LHFPL6: variants seen among roughly 807,000 people sequenced by gnomAD.
The protein encoded by LHFPL6 is LHFPL tetraspan subfamily member 6.
Under a neutral mutation model 20.6 loss-of-function variants are expected in LHFPL6, and 9 were observed. The observed-to-expected ratio is 0.44, with a 90% CI of 0.26 to 0.76. LHFPL6 has a LOEUF of 0.76. Among genes scored for constraint, LHFPL6 ranks in the 30% least tolerant of loss-of-function variants. The pLI, the probability that LHFPL6 is intolerant of heterozygous loss-of-function variation, is 0.20. For missense variants in LHFPL6, 218 were observed against 253.5 expected (o/e 0.86, Z 0.95); for synonymous variants, 105 against 98.7 (o/e 1.06, Z -0.38).
intron 2 of LHFPL6, among the ~76,000 whole-genome samples, chr13:39,478,426 T>C (rs1873137360): frequency 6.6e-6 from 1 of 152,168 alleles, no homozygotes; most frequent in African/African-American, 2.4e-5. Context: ...CCTATATAGT[T>C]TGCATATTGA....
intron 2 of LHFPL6, among the ~76,000 whole-genome samples, chr13:39,526,455 G>A (rs996692529): frequency 3.3e-5 from 5 of 152,156 alleles, no homozygotes; most frequent in East Asian, 1.9e-4. Flanking sequence ...TGGAGTTAAC[G>A]CATAATCATG....
intron 2 of LHFPL6, among the ~76,000 whole-genome samples, chr13:39,491,801 T>C (rs963505032): frequency 6.6e-6 from 1 of 152,242 alleles, no homozygotes; most frequent in African/African-American, 2.4e-5. Flanking sequence ...TTTAATTTTA[T>C]TTAACTTTGA....
chr13:39,422,602 A>AG (rs1555261775), intron 2 of LHFPL6, among the ~76,000 whole-genome samples: 117 of 114,330 alleles, frequency 1.0e-3, no homozygotes, highest in South Asian at 2.1e-3. Context: ...AAAAAAAAAA[A>AG]AAGAAGAAGA....
chr13:39,417,347 T>C (rs938596613), intron 2 of LHFPL6, among the ~76,000 whole-genome samples: 31 of 152,312 alleles, frequency 2.0e-4, no homozygotes, highest in South Asian at 1.2e-3. Context: ...AGCTGCATAA[T>C]ATTAAATGGG....
At chr13:39,522,284 A>T (rs1327969496) in intron 2 of LHFPL6, among the ~76,000 whole-genome samples, 1 of 152,248 alleles carries the variant, frequency 6.6e-6, no homozygotes, top group South Asian at 2.1e-4. Flanking sequence ...GCTGAGGCAC[A>T]GGTTTTAGTA....
intron 2 of LHFPL6, among the ~76,000 whole-genome samples, chr13:39,384,390 G>T (rs1047942682): frequency 8.5e-5 from 13 of 152,288 alleles, no homozygotes; most frequent in Middle Eastern, 3.4e-3. Context: ...GGGGAGGACT[G>T]AAGTCAACTA....
At chr13:39,349,201 T>G (rs1022254788) in intron 3 of LHFPL6, among the ~76,000 whole-genome samples, 4 of 152,212 alleles carry the variant, frequency 2.6e-5, no homozygotes, top group African/African-American at 9.6e-5. Flanking sequence ...ATTTTTAAAA[T>G]AATTATTAAT....
chr13:39,489,336 C>A (rs930208120), intron 2 of LHFPL6, among the ~76,000 whole-genome samples: 1 of 152,142 alleles, frequency 6.6e-6, no homozygotes, highest in African/African-American at 2.4e-5. Flanking sequence ...TCAGGGGGCC[C>A]AGGTTCCAGT....
At chr13:39,345,976 C>T (rs997640207) in intron 3 of LHFPL6, among the ~76,000 whole-genome samples, 1 of 152,200 alleles carries the variant, frequency 6.6e-6, no homozygotes, top group Admixed American at 6.5e-5. Context: ...CAGCCTCTCA[C>T]CCTGTGGGGT....
intron 2 of LHFPL6, among the ~76,000 whole-genome samples, chr13:39,529,274 T>C (rs779488212): frequency 4.6e-5 from 7 of 152,150 alleles, no homozygotes; most frequent in Non-Finnish European, 7.3e-5. Flanking sequence ...GTATTTTTAA[T>C]AGAGACAGGG....
chr13:39,358,911 G>A (rs533519392), intron 3 of LHFPL6, among the ~76,000 whole-genome samples: 2 of 152,258 alleles, frequency 1.3e-5, no homozygotes, highest in African/African-American at 4.8e-5. Flanking sequence ...GGTGGCTCCC[G>A]CCTGTAATCC....
intron 2 of LHFPL6, among the ~76,000 whole-genome samples, chr13:39,551,504 T>C (rs752320925): frequency 1.3e-5 from 2 of 152,312 alleles, no homozygotes; most frequent in Admixed American, 6.5e-5. Flanking sequence ...ATGCAAAACA[T>C]AGCAATTTTG....
intron 3 of LHFPL6, among the ~76,000 whole-genome samples, chr13:39,359,666 A>C (rs1869826671): frequency 1.3e-5 from 2 of 152,116 alleles, no homozygotes; most frequent in African/African-American, 4.8e-5. Flanking sequence ...AAATCTACCT[A>C]TTGGGTGCTA....
intron 2 of LHFPL6, among the ~76,000 whole-genome samples, chr13:39,509,566 T>A (rs1869615229): frequency 1.3e-5 from 2 of 152,198 alleles, no homozygotes; most frequent in South Asian, 2.1e-4. Flanking sequence ...ATATTTCTTT[T>A]AAAAAATTTT....
chr13:39,411,144 G>A (rs1011368318), intron 2 of LHFPL6, among the ~76,000 whole-genome samples: 1 of 152,192 alleles, frequency 6.6e-6, no homozygotes, highest in African/African-American at 2.4e-5. Flanking sequence ...TGGGGGCAGT[G>A]AGTTGCTCTA....
At chr13:39,413,302 A>C (rs572360100) in intron 2 of LHFPL6, among the ~76,000 whole-genome samples, 152 of 152,350 alleles carry the variant, frequency 1.0e-3, no homozygotes, top group African/African-American at 3.5e-3. Flanking sequence ...CCTGTGGTCA[A>C]ATAATAACTA....
At chr13:39,521,334 C>T (rs1870099130) in intron 2 of LHFPL6, among the ~76,000 whole-genome samples, 1 of 152,172 alleles carries the variant, frequency 6.6e-6, no homozygotes, top group African/African-American at 2.4e-5. Context: ...GCAAGCAGAA[C>T]TTCACAGTGT....
At chr13:39,582,397 T>G (rs1307398005) in intron 2 of LHFPL6, among the ~76,000 whole-genome samples, 1 of 152,092 alleles carries the variant, frequency 6.6e-6, no homozygotes, top group Non-Finnish European at 1.5e-5. Context: ...TTTATCAAAC[T>G]GGGGTATTTG....
chr13:39,402,267 C>G (rs1871012470), intron 2 of LHFPL6, among the ~76,000 whole-genome samples: 1 of 152,098 alleles, frequency 6.6e-6, no homozygotes, highest in African/African-American at 2.4e-5. Context: ...CTCTGTCACC[C>G]AGGCTGGAGT....
Sources: allele counts gnomAD v4.1 joint callset (sites outside exome capture counted in the v4.1 genomes callset), GRCh38; gene constraint gnomAD v4.1.1; transcripts MANE v1.5; gene names NCBI Gene and HGNC (gene_info 2026-07-23, HGNC 2026-07-21).